The following PAICS variants were observed in gnomAD, a reference collection of about 807,000 sequenced individuals.
PAICS encodes phosphoribosylaminoimidazole carboxylase and phosphoribosylaminoimidazolesuccinocarboxamide synthase, also known as bifunctional phosphoribosylaminoimidazole carboxylase/phosphoribosylaminoimidazole succinocarboxamide synthetase.
Under a neutral mutation model 53.7 loss-of-function variants are expected in PAICS, and 33 were observed. The ratio of observed to expected loss-of-function variants is 0.61; its 90% confidence interval spans 0.47 to 0.82. PAICS has a LOEUF of 0.82. PAICS is among the 40% of genes least tolerant of loss of function. The pLI is 0.00. For synonymous variants in PAICS, 141 were observed against 167.2 expected (o/e 0.84, Z 1.21); for missense variants, 394 against 494.1 (o/e 0.80, Z 1.92).
chr4:56,416,003 G>T, the PAICS span, among the ~76,000 whole-genome samples: 103 of 151,900 alleles, frequency 6.8e-4, 1 homozygote, highest in East Asian at 0.012. Context: ...CCGGGAGGCG[G>T]AGGTTGCAGT....
At chr4:56,457,650 G>A (rs929121496) in intron 8 of PAICS, among the ~76,000 whole-genome samples, 1 of 145,106 alleles carries the variant, frequency 6.9e-6, no homozygotes. Context: ...CCTGCTTTCA[G>A]TTTAGAATTA....
At chr4:56,418,426 C>T in the PAICS span, among the ~76,000 whole-genome samples, 1 of 152,084 alleles carries the variant, frequency 6.6e-6, no homozygotes, top group East Asian at 1.9e-4. Flanking sequence ...CTCAAGCAAT[C>T]CTCCCACCTC....
chr4:56,436,053 G>T (rs934461234), upstream of PAICS: 9 of 1,506,840 alleles, frequency 6.0e-6, no homozygotes, highest in Admixed American at 2.0e-5. Flanking sequence ...GCGCCAGCGC[G>T]GGGCGGCCCG....
At chr4:56,439,713 A>T (rs557430012) in intron 1 of PAICS, among the ~76,000 whole-genome samples, 1 of 152,066 alleles carries the variant, frequency 6.6e-6, no homozygotes, top group South Asian at 2.1e-4. Flanking sequence ...TGAGTGAAAT[A>T]GTGCAAATCT....
chr4:56,411,343 T>G, the PAICS span, among the ~76,000 whole-genome samples: 4 of 152,242 alleles, frequency 2.6e-5, no homozygotes, highest in African/African-American at 9.6e-5. Context: ...CCTAAATTTA[T>G]AAATAAAAGC....
the PAICS span, among the ~76,000 whole-genome samples, chr4:56,424,342 G>A: frequency 2.0e-4 from 31 of 152,200 alleles, no homozygotes; most frequent in African/African-American, 7.2e-4. Flanking sequence ...TCAGGCACCC[G>A]TATTTTTAGA....
At chr4:56,414,797 C>A in the PAICS span, among the ~76,000 whole-genome samples, 1 of 152,272 alleles carries the variant, frequency 6.6e-6, no homozygotes, top group Admixed American at 6.5e-5. Flanking sequence ...ATAACCTGGG[C>A]CCTGTTTCTC....
intron 6 of PAICS, chr4:56,451,340 ACT>A (rs1029878080): frequency 9.2e-5 from 14 of 152,690 alleles, no homozygotes; most frequent in African/African-American, 3.4e-4. Context: ...GATGGATGGA[ACT>A]CTGTGTGACT....
intron 2 of PAICS, 148 bp from the exon 3 acceptor site, chr4:56,446,547 G>A (rs1014290136): frequency 1.4e-5 from 9 of 622,766 alleles, no homozygotes; most frequent in East Asian, 2.7e-5. Flanking sequence ...ACAACTGACC[G>A]CATCTACATT....
chr4:56,441,285 T>G (rs1292108836), intron 1 of PAICS, among the ~76,000 whole-genome samples: 2 of 152,202 alleles, frequency 1.3e-5, no homozygotes, highest in African/African-American at 4.8e-5. Flanking sequence ...TAAGTGGGTC[T>G]TAATTAATTT....
chr4:56,459,525 A>G lies in PAICS; in HGVS notation c.1265A>G (p.Glu422Gly), dbSNP rs1297642271. ...AAGCAGGCTGACAAGAAAATCAGAG[A>G]ATGTAATTTATAAGAAAGAATGCCA... ...SLKQADKKIR[E>G]CNL Residue 422 changes from glutamate to glycine, a missense_variant, in exon 9 of 9, where the codon GAA becomes GGA. Physicochemically the swap from Glu to Gly is moderately conservative, Grantham distance 98. Coordinates refer to ENST00000512576, the MANE Select transcript of PAICS (RefSeq NM_001079524.2). 6.4e-7 allele frequency: 1 copy of G among 1,552,494 alleles called. No homozygotes were observed. The highest frequency in any genetic ancestry group is 1.2e-5 in the South Asian group (1 of 83,834).
chr4:56,444,143 A>G (rs1334196124), intron 2 of PAICS, among the ~76,000 whole-genome samples: 2 of 152,118 alleles, frequency 1.3e-5, no homozygotes, highest in Non-Finnish European at 2.9e-5. Context: ...TTCCAAATTA[A>G]GGTAGAAAGT....
At chr4:56,437,379 G>T (rs1053186120) in intron 1 of PAICS, among the ~76,000 whole-genome samples, 5 of 151,694 alleles carry the variant, frequency 3.3e-5, no homozygotes, top group African/African-American at 1.2e-4. Context: ...TATCAGGAAA[G>T]ATTGTTCTTG....
chr4:56,423,453 T>A, the PAICS span: 1 of 151,896 alleles, frequency 6.6e-6, no homozygotes, highest in African/African-American at 2.4e-5. Flanking sequence ...CAAGAACCCA[T>A]CTCTAAAAAT....
intron 6 of PAICS, 33 bp downstream of exon 6, chr4:56,450,735 T>C (rs527894712): frequency 3.0e-6 from 3 of 1,000,432 alleles, no homozygotes; most frequent in African/African-American, 3.2e-5. Context: ...GTATGTATTA[T>C]GTGTTTTTCT....
rs967368552 is a variant in PAICS, at chr4:56,454,645, T to A, written c.1111+884T>A. ...TCCTCCCTTTTTCCCTTTCATTTTT[T>A]CAATAGAATTTTCTATATTTTGGAT... On this transcript the variant is annotated intron_variant, in intron 8 of 8. Transcript: ENST00000512576. 2.4e-4 allele frequency among the ~76,000 whole-genome samples: 36 copies of A among 152,208 alleles called. 1 individual carries two copies. The highest frequency in any genetic ancestry group is 2.9e-5 in the Non-Finnish European group (2 of 68,042).
intron 3 of PAICS, 91 bp from the exon 4 acceptor site, chr4:56,448,327 T>C (rs1484537346): frequency 2.1e-5 from 19 of 901,744 alleles, no homozygotes; most frequent in Non-Finnish European, 3.1e-5. Context: ...TTCTAAGGAG[T>C]TCATGCTCAA....
rs771059075 is a variant in PAICS, at chr4:56,461,337, C to G, written c.*1799C>G. ...TATATCTTATGCTAGTTTATAAGAA[C>G]AATTAAAAGGACTTAGAAGATTAAC... On this transcript the variant is annotated 3_prime_UTR_variant, in exon 9 of 9. Transcript: ENST00000512576. 1 of 152,100 alleles carries G rather than the reference C, an allele frequency of 6.6e-6. No homozygotes were observed. The highest frequency in any genetic ancestry group is 1.5e-5 in the Non-Finnish European group (1 of 68,016). 9.4% of individuals were successfully genotyped at this position (152,100 alleles called of 1,614,324 possible). A position where few individuals can be genotyped will look rare whatever the true frequency, so the allele number is the denominator to read the frequency against.
chr4:56,441,024 GAA>G (rs1268036580), intron 1 of PAICS, among the ~76,000 whole-genome samples: 1 of 152,186 alleles, frequency 6.6e-6, no homozygotes, highest in Non-Finnish European at 1.5e-5. Flanking sequence ...TTAGTGAAGA[GAA>G]AGGATTAATG....
Sources: allele counts gnomAD v4.1 joint callset (sites outside exome capture counted in the v4.1 genomes callset), GRCh38; gene constraint gnomAD v4.1.1; transcripts MANE v1.5; gene names NCBI Gene and HGNC (gene_info 2026-07-23, HGNC 2026-07-21).